Variants in CCER2 observed in about 807,000 individuals in gnomAD.
CCER2 encodes coiled-coil glutamate rich protein 2, also known as coiled-coil domain-containing glutamate-rich protein 2.
CCER2 carries 20 observed loss-of-function variants against 27.1 expected under a neutral mutation model. The observed-to-expected ratio is 0.74, with a 90% CI of 0.52 to 1.07. The LOEUF is 1.07. Ranked by LOEUF, CCER2 falls within the 50% of genes least tolerant of loss-of-function variation. The pLI is 0.00. For missense variants in CCER2, 351 were observed against 344.7 expected (o/e 1.02, Z -0.14); for synonymous variants, 140 against 144.3 (o/e 0.97, Z 0.21).
At chr19:38,911,268 G>A (rs112006931) in intron 3 of CCER2, among the ~76,000 whole-genome samples, 185 bp from the exon 4 acceptor site, 92 of 152,344 alleles carry the variant, frequency 6.0e-4, no homozygotes, top group African/African-American at 2.2e-3. Flanking sequence ...TCTCACAGGG[G>A]GGCTGCCCAG....
intron 3 of CCER2, 117 bp from the exon 4 acceptor site, chr19:38,911,200 G>A: frequency 9.0e-7 from 1 of 1,109,088 alleles, no homozygotes; most frequent in Non-Finnish European, 1.2e-6. Context: ...GATCACCTGA[G>A]GTCAGGAGTT....
chr19:38,910,928 C>A lies in CCER2; in HGVS notation c.346G>T (p.Glu116Ter), dbSNP rs1250446848. Residue 116 changes from glutamate (E) to a stop codon, truncating the protein, a stop_gained, in exon 4 of 5, where the codon GAG becomes TAG. Transcript: ENST00000571838. LOFTEE classifies it high-confidence loss of function. Reference protein sequence around the residue: ...EEVAERTHKSEVQEQAIRMQG... With the variant: ...EEVAERTHKS ...ATGCGGATGGCTTGTTCCTGGACCT[C>A]AGACTTGTGGGTCCTCTCTGCTACC... 2.5e-5 allele frequency: 38 copies of A among 1,519,380 alleles called. No homozygotes were observed. The highest frequency in any genetic ancestry group is 3.3e-5 in the Non-Finnish European group (38 of 1,138,574). The allele number at this position is 1,519,380 out of a possible 1,614,324, so 94.1% of individuals were successfully genotyped here.
Position 38,910,613 on chromosome 19 carries a change from G to A in CCER2, c.661C>T (p.Gln221Ter), listed in dbSNP as rs1348264036. 1.4e-6 allele frequency: 2 copies of A among 1,467,910 alleles called. No individual in the cohort carries two copies. Among genetic ancestry groups the A allele is most frequent in the Non-Finnish European group, 1.8e-6 (2 of 1,109,038 alleles). The allele number at this position is 1,467,910 out of a possible 1,614,324, so 90.9% of individuals were successfully genotyped here. ...DLPHHHHHHH[Q>*]PEAEPRQEKE... Reference sequence around the variant, plus strand: ...TCCTGCCTGGGCTCAGCCTCTGGCTGGTGGTGGTGGTGGTGGTGGTGGGGC... The same window carrying A: ...TCCTGCCTGGGCTCAGCCTCTGGCTAGTGGTGGTGGTGGTGGTGGTGGGGC... Residue 221 changes from glutamine to a stop codon, truncating the protein, a stop_gained, in exon 4 of 5, where the codon CAG becomes TAG. Transcript: ENST00000571838. LOFTEE classifies it low-confidence loss of function (END_TRUNC).
rs1034434037 is a variant in CCER2, at chr19:38,910,549, A to C, written c.711+14T>G. 4 of 1,454,562 alleles carry C rather than the reference A, an allele frequency of 2.7e-6. No homozygotes were observed. Among genetic ancestry groups the C allele is most frequent in the Non-Finnish European group, 3.6e-6 (4 of 1,104,686 alleles). 90.1% of individuals were successfully genotyped at this position (1,454,562 alleles called of 1,614,324 possible). Reference sequence around the variant, plus strand: ...CAAACTGTGTTGGTGTTCCTCCTTCATCCCCCTACTCACCTCCCTCTCCGA... The same window carrying C: ...CAAACTGTGTTGGTGTTCCTCCTTCCTCCCCCTACTCACCTCCCTCTCCGA... On this transcript the variant is annotated intron_variant, in intron 4 of 4. Coordinates refer to ENST00000571838, the MANE Select transcript of CCER2 (RefSeq NM_001243212.2).
In CCER2 at chr19:38,912,080, G is replaced by A. The variant is rs781214800; in HGVS notation, c.61+18C>T. 1,018 of 1,525,460 alleles carry A rather than the reference G, an allele frequency of 6.7e-4. 3 individuals carry two copies. Among genetic ancestry groups the A allele is most frequent in the Middle Eastern group, 3.7e-3 (17 of 4,624 alleles). The allele number at this position is 1,525,460 out of a possible 1,614,324, so 94.5% of individuals were successfully genotyped here. Reference sequence around the variant, plus strand: ...CCGGCCCCTGGCAGGTCCCGCACTCGGCAGGTCCCGCACTCACCCGCCCCC... The same window carrying A: ...CCGGCCCCTGGCAGGTCCCGCACTCAGCAGGTCCCGCACTCACCCGCCCCC... On this transcript the variant is annotated intron_variant, in intron 1 of 4. Transcript: ENST00000571838.
chr19:38,910,245 GTGTC>G (rs921978853), intron 4 of CCER2, among the ~76,000 whole-genome samples: 12 of 152,294 alleles, frequency 7.9e-5, no homozygotes, highest in Middle Eastern at 3.4e-3. Context: ...CCCAGCAATG[GTGTC>G]TGTCTGTCAC....
chr19:38,911,249 T>C (rs1388012979), intron 3 of CCER2, among the ~76,000 whole-genome samples, 166 bp from the exon 4 acceptor site: 1 of 152,234 alleles, frequency 6.6e-6, no homozygotes, highest in Non-Finnish European at 1.5e-5. Flanking sequence ...TTCTGGGCCC[T>C]GCCGAAGGTC....
intron 4 of CCER2, among the ~76,000 whole-genome samples, chr19:38,909,876 T>C (rs1974269793): frequency 1.1e-4 from 2 of 18,890 alleles, no homozygotes; most frequent in Non-Finnish European, 9.8e-5. Context: ...GCCCAGCCAT[T>C]TTTTTTTTTT....
At chr19:38,911,293 G>A (rs182172542) in intron 3 of CCER2, among the ~76,000 whole-genome samples, 1 of 152,308 alleles carries the variant, frequency 6.6e-6, no homozygotes, top group Non-Finnish European at 1.5e-5. Flanking sequence ...CAGGGGGAGG[G>A]TCCTATTTCA....
chr19:38,910,425 T>C, intron 4 of CCER2, 138 bp downstream of exon 4: 1 of 1,264,742 alleles, frequency 7.9e-7, no homozygotes, highest in Non-Finnish European at 1.0e-6. Flanking sequence ...GTGGTGTCAG[T>C]CTTGGCCACT....
chr19:38,911,185 C>T (rs1974301583), intron 3 of CCER2, 102 bp from the exon 4 acceptor site: 11 of 1,207,304 alleles, frequency 9.1e-6, no homozygotes, highest in Admixed American at 6.2e-5. Context: ...GAGGCCGTGG[C>T]GGCCGATCAC....
At position 38,911,656 on chromosome 19, in the gene CCER2, G is replaced by T. The variant is rs190921775; in HGVS notation, c.103-3C>A. 7,849 of 1,535,440 alleles carry T rather than the reference G, an allele frequency of 5.1e-3. 38 individuals are homozygous for T. Among genetic ancestry groups the T allele is most frequent in the Non-Finnish European group, 5.3e-3 (6,115 of 1,146,654 alleles). Reference sequence around the variant, plus strand: ...ACCTCTGCCAGACAGCGGGTCAGCTGGGGGGCAGGGGTGCCGGGTCAGAGG... The same window carrying T: ...ACCTCTGCCAGACAGCGGGTCAGCTTGGGGGCAGGGGTGCCGGGTCAGAGG... On this transcript the variant is annotated splice_region_variant and splice_polypyrimidine_tract_variant and intron_variant, in intron 2 of 4. Transcript: ENST00000571838.
chr19:38,911,597 C>A lies in CCER2; in HGVS notation c.159G>T (p.Gln53His), dbSNP rs1422862454. The change falls in exon 3 of 5, where the codon CAG becomes CAT. Residue 53 changes from glutamine (Q) to histidine (H), a missense_variant. Transcript: ENST00000571838. ...GGAGAAGAGCAGTGCAGGGTCCTCT[C>A]TGGACCTGGCCCACGGTCAGCACCT... ...VTEVLTVGQV[Q>H]RGPCTALLHK... 6.5e-7 allele frequency: 1 copy of A among 1,535,336 alleles called. No homozygotes were observed. Among genetic ancestry groups the A allele is most frequent in the African/African-American group, 1.4e-5 (1 of 73,024 alleles).
chr19:38,909,037 G>A lies in CCER2; in HGVS notation c.*199C>T. On this transcript the variant is annotated 3_prime_UTR_variant, in exon 5 of 5. Coordinates refer to ENST00000571838, the MANE Select transcript of CCER2 (RefSeq NM_001243212.2). ...GTTGGAGTGGGAGTGCATAGGTGTG[G>A]GGGTGCTTCCTGTGTCAGGGCTGAG... 1 of 948,656 alleles carries A rather than the reference G, an allele frequency of 1.1e-6. No individual in the cohort carries two copies. Among genetic ancestry groups the A allele is most frequent in the Non-Finnish European group, 1.5e-6 (1 of 650,472 alleles). 58.8% of individuals were successfully genotyped at this position (948,656 alleles called of 1,614,324 possible).
Position 38,910,611 on chromosome 19 carries a change from CTGGTGG to C in CCER2, c.657_662del (p.His219_His220del), listed in dbSNP as rs144792695. The C allele has an allele frequency of 3.3e-6, 5 of 1,518,012 alleles. No individual in the cohort carries two copies. The highest frequency in any genetic ancestry group is 1.4e-5 in the African/African-American group (1 of 72,718). 94.0% of individuals were successfully genotyped at this position (1,518,012 alleles called of 1,614,324 possible). On this transcript the variant is annotated inframe_deletion, in exon 4 of 5. Transcript: ENST00000571838. ...TCTCCTGCCTGGGCTCAGCCTCTGG[CTGGTGG>C]TGGTGGTGGTGGTGGTGGGGCAAGT...
chr19:38,911,152 C>T lies in CCER2; in HGVS notation c.191-69G>A, dbSNP rs901307329. ...AACTGAGGCCGAGTATGGAGGCTCA[C>T]GCCTGTAATCTCAGCACTTTGGGAG... On this transcript the variant is annotated intron_variant, in intron 3 of 4. Transcript: ENST00000571838. 39 of 1,372,930 alleles carry T rather than the reference C, an allele frequency of 2.8e-5. No homozygotes were observed. In the South Asian group the frequency reaches 4.7e-4, roughly 16 times the overall value. The allele number at this position is 1,372,930 out of a possible 1,614,324, so 85.0% of individuals were successfully genotyped here.
At chr19:38,911,720 G>A in intron 2 of CCER2, 67 bp from the exon 3 acceptor site, 1 of 1,525,846 alleles carries the variant, frequency 6.6e-7, no homozygotes, top group South Asian at 1.2e-5. Flanking sequence ...GAGAGCAGCT[G>A]GTTTGAGGGC....
chr19:38,910,430 G>T, intron 4 of CCER2, 133 bp downstream of exon 4: 1 of 1,293,742 alleles, frequency 7.7e-7, no homozygotes, highest in Non-Finnish European at 1.0e-6. Flanking sequence ...GTCAGTCTTG[G>T]CCACTGTGAT....
At chr19:38,911,691 G>A (rs1458777124) in intron 2 of CCER2, 38 bp from the exon 3 acceptor site, 1 of 1,531,200 alleles carries the variant, frequency 6.5e-7, no homozygotes, top group East Asian at 2.4e-5. Flanking sequence ...GGGAGGTTGA[G>A]GGCAGGGGAG....
Sources: allele counts gnomAD v4.1 joint callset (sites outside exome capture counted in the v4.1 genomes callset), GRCh38; gene constraint gnomAD v4.1.1; transcripts MANE v1.5; gene names NCBI Gene and HGNC (gene_info 2026-07-23, HGNC 2026-07-21).